The following FRAS1 variants were observed in gnomAD, a reference collection of about 807,000 sequenced individuals.
FRAS1 encodes extracellular matrix organizing protein FRAS1.
FRAS1 carries 290 observed loss-of-function variants against 435.2 expected under a neutral mutation model. The observed-to-expected ratio is 0.67, with a 90% CI of 0.61 to 0.73. FRAS1 has a LOEUF of 0.73. Among genes scored for constraint, FRAS1 ranks in the 30% least tolerant of loss-of-function variants. The pLI is 0.00. For synonymous variants in FRAS1, 1,800 were observed against 1,851.0 expected (o/e 0.97, Z 0.71); for missense variants, 4,860 against 5,001.5 (o/e 0.97, Z 0.85).
intron 27 of FRAS1, among the ~76,000 whole-genome samples, chr4:78,383,375 T>C (rs888082769): frequency 6.6e-6 from 1 of 152,204 alleles, no homozygotes; most frequent in Non-Finnish European, 1.5e-5. Context: ...TCTCTTTGCT[T>C]ATATTTGCTT....
intron 2 of FRAS1, among the ~76,000 whole-genome samples, chr4:78,144,718 G>C (rs954883044): frequency 1.3e-5 from 2 of 152,096 alleles, no homozygotes; most frequent in African/African-American, 2.4e-5. Flanking sequence ...AACTTGATCA[G>C]TGTGTATTCT....
chr4:78,274,265 G>A (rs1261302229), intron 9 of FRAS1, among the ~76,000 whole-genome samples: 1 of 151,888 alleles, frequency 6.6e-6, no homozygotes, highest in African/African-American at 2.4e-5. Context: ...CAAAAAACTA[G>A]CTCCTGGATT....
At chr4:78,385,602 C>T (rs1408186339) in intron 28 of FRAS1, among the ~76,000 whole-genome samples, 2 of 152,104 alleles carry the variant, frequency 1.3e-5, no homozygotes, top group African/African-American at 4.8e-5. Context: ...AAAACTAAAA[C>T]AGGCTGGGCT....
intron 2 of FRAS1, among the ~76,000 whole-genome samples, chr4:78,235,768 G>A (rs114798417): frequency 0.02 from 3,056 of 152,284 alleles, 104 homozygotes; most frequent in African/African-American, 0.069. Context: ...GGTCAACATG[G>A]TGAAACCCTG....
chr4:78,347,769 G>C (rs1161733193), intron 20 of FRAS1, among the ~76,000 whole-genome samples: 2 of 142,146 alleles, frequency 1.4e-5, no homozygotes, highest in Non-Finnish European at 3.0e-5. Flanking sequence ...GTGTGTATGT[G>C]TGTGCGTGTG....
rs143910110 is a variant in FRAS1, at chr4:78,487,475, G to A, written c.8753-1400G>A. Among the ~76,000 whole-genome samples, 3 of 152,196 alleles carry A rather than the reference G, an allele frequency of 2.0e-5. No homozygotes were observed. The East Asian group carries it at 5.8e-4, about 29-fold the overall frequency. Reference sequence around the variant, plus strand: ...GTTGGTGGGGTGTGTCCAGGAGGCAGCCAGGAAATTGGTGATTACAGCTTT... The same window carrying A: ...GTTGGTGGGGTGTGTCCAGGAGGCAACCAGGAAATTGGTGATTACAGCTTT... On this transcript the variant is annotated intron_variant, in intron 58 of 73. Coordinates refer to ENST00000512123, the MANE Select transcript of FRAS1 (RefSeq NM_025074.7).
At chr4:78,161,365 T>A (rs950018510) in intron 2 of FRAS1, among the ~76,000 whole-genome samples, 13 of 152,060 alleles carry the variant, frequency 8.5e-5, no homozygotes, top group African/African-American at 2.9e-4. Flanking sequence ...GACGTCGGGT[T>A]TGGATACTAC....
chr4:78,494,643 T>C (rs79503948), intron 59 of FRAS1, among the ~76,000 whole-genome samples: 1,748 of 152,214 alleles, frequency 0.011, 30 homozygotes, highest in African/African-American at 0.04. Context: ...CTTCCAATAA[T>C]TGGGGATCAA....
At chr4:78,239,715 G>C (rs1405857762) in intron 3 of FRAS1, among the ~76,000 whole-genome samples, 2 of 152,116 alleles carry the variant, frequency 1.3e-5, no homozygotes, top group African/African-American at 2.4e-5. Flanking sequence ...GTATATATCT[G>C]AGAGAACAAT....
rs762215079 is a variant in FRAS1 at position 78,429,066 on chromosome 4, C to CTG, written c.4712-18_4712-17dup. 1.8e-4 allele frequency: 217 copies of CTG among 1,196,720 alleles called. 2 individuals are homozygous for CTG. In the Middle Eastern group the frequency reaches 2.9e-3, roughly 16 times the overall value. 74.1% of individuals were successfully genotyped at this position (1,196,720 alleles called of 1,614,324 possible). ...TGTCTCTGTGTGTGTGTGTGTGTCT[C>CTG]TGTGTGTGTGTGCATTTATCCTTTT... On this transcript the variant is annotated intron_variant, in intron 35 of 73. Transcript: ENST00000512123.
chr4:78,506,942 C>T (rs73828009), intron 61 of FRAS1, among the ~76,000 whole-genome samples: 3,660 of 152,290 alleles, frequency 0.024, 142 homozygotes, highest in African/African-American at 0.084. Context: ...GTCACTCACC[C>T]TCCATGTTAC....
At chr4:78,478,189 A>C in intron 55 of FRAS1, 128 bp downstream of exon 55, 4 of 1,068,626 alleles carry the variant, frequency 3.7e-6, no homozygotes, top group African/African-American at 3.2e-5. Flanking sequence ...TTATTAACTC[A>C]TTTGGTTCCC....
chr4:78,169,005 T>A (rs769206878), intron 2 of FRAS1, among the ~76,000 whole-genome samples: 2 of 152,112 alleles, frequency 1.3e-5, no homozygotes, highest in Non-Finnish European at 2.9e-5. Flanking sequence ...CTGGGAAATT[T>A]AGGTGCAGAT....
chr4:78,378,969 T>C (rs1055681132), intron 26 of FRAS1, among the ~76,000 whole-genome samples: 8 of 152,148 alleles, frequency 5.3e-5, no homozygotes, highest in African/African-American at 1.9e-4. Flanking sequence ...TGTACTCCTA[T>C]ATTTTCTTCT....
intron 9 of FRAS1, among the ~76,000 whole-genome samples, chr4:78,271,068 G>A (rs1726651293): frequency 6.6e-6 from 1 of 152,118 alleles, no homozygotes; most frequent in South Asian, 2.1e-4. Flanking sequence ...CATCTATAAT[G>A]CTACCAAAGA....
intron 2 of FRAS1, among the ~76,000 whole-genome samples, chr4:78,123,093 G>A (rs779905924): frequency 6.6e-6 from 1 of 152,154 alleles, no homozygotes; most frequent in Non-Finnish European, 1.5e-5. Context: ...TTTCTTCTAG[G>A]ATTTTTATGG....
At chr4:78,125,947 C>T (rs190776343) in intron 2 of FRAS1, among the ~76,000 whole-genome samples, 4 of 152,188 alleles carry the variant, frequency 2.6e-5, no homozygotes, top group Non-Finnish European at 5.9e-5. Context: ...TCTGGAGAAG[C>T]TGTCTGCTGC....
intron 9 of FRAS1, among the ~76,000 whole-genome samples, chr4:78,273,298 C>G (rs1256540817): frequency 2.0e-5 from 3 of 152,126 alleles, no homozygotes; most frequent in Non-Finnish European, 2.9e-5. Flanking sequence ...AATTGAACAC[C>G]CTTTATTTCT....
At chr4:78,347,565 C>G (rs1305602973) in intron 20 of FRAS1, among the ~76,000 whole-genome samples, 1 of 152,158 alleles carries the variant, frequency 6.6e-6, no homozygotes. Flanking sequence ...GTTCTCTTCC[C>G]CACGCCACAC....
Sources: allele counts gnomAD v4.1 joint callset (sites outside exome capture counted in the v4.1 genomes callset), GRCh38; gene constraint gnomAD v4.1.1; transcripts MANE v1.5; gene names NCBI Gene and HGNC (gene_info 2026-07-23, HGNC 2026-07-21).